KIF16B: variants seen among roughly 807,000 people sequenced by gnomAD.
The protein encoded by KIF16B is kinesin-like protein KIF16B.
A neutral mutation model predicts 156.3 loss-of-function variants in KIF16B; 98 were observed. The ratio of observed to expected loss-of-function variants is 0.63; its 90% CI spans 0.53 to 0.74. The LOEUF (loss-of-function observed/expected upper bound fraction) is 0.74. KIF16B is among the 30% of genes least tolerant of loss of function. The probability of loss-of-function intolerance (pLI) is 0.00; values close to 1 mark genes in which losing one functional copy is unlikely to be tolerated. For synonymous variants in KIF16B, 564 were observed against 583.7 expected (o/e 0.97, Z 0.49); for missense variants, 1,421 against 1,606.5 (o/e 0.88, Z 1.97).
At chr20:16,558,985 A>C (rs1185656506) in intron 1 of KIF16B, among the ~76,000 whole-genome samples, 1 of 150,760 alleles carries the variant, frequency 6.6e-6, no homozygotes, top group African/African-American at 2.4e-5. Context: ...TATCTCCCTG[A>C]TTGTGAAGAT....
intron 17 of KIF16B, among the ~76,000 whole-genome samples, chr20:16,387,318 T>A (rs1386456681): frequency 6.6e-6 from 1 of 152,196 alleles, no homozygotes; most frequent in East Asian, 1.9e-4. Context: ...TTGATGTGGT[T>A]TTCTCGGTTG....
In KIF16B at chr20:16,429,062, T is replaced by G. The variant is rs2066432026; in HGVS notation, c.1423-58A>C. On this transcript the variant is annotated intron_variant, in intron 13 of 25. Transcript: ENST00000354981. ...AAGAAGAGAAGGAATAGCTTGTTTC[T>G]TCATTTTTCATTGAAGCCCAAACAA... 4 of 1,410,420 alleles carry G rather than the reference T, an allele frequency of 2.8e-6. No homozygotes were observed. The South Asian group carries it at 4.6e-5, about 16-fold the overall frequency. The allele number at this position is 1,410,420 out of a possible 1,614,324, so 87.4% of individuals were successfully genotyped here.
chr20:16,308,705 A>C (rs986336494), intron 25 of KIF16B, among the ~76,000 whole-genome samples: 1 of 152,256 alleles, frequency 6.6e-6, no homozygotes, highest in Non-Finnish European at 1.5e-5. Context: ...ATAAACAGCA[A>C]GCAAATGTGG....
At chr20:16,307,288 G>A (rs2063554965) in intron 25 of KIF16B, among the ~76,000 whole-genome samples, 1 of 152,106 alleles carries the variant, frequency 6.6e-6, no homozygotes, top group Non-Finnish European at 1.5e-5. Flanking sequence ...AGATAATAAT[G>A]TTCTCTGAAA....
chr20:16,451,982 C>T (rs998357480), intron 12 of KIF16B, among the ~76,000 whole-genome samples: 1 of 152,062 alleles, frequency 6.6e-6, no homozygotes, highest in Non-Finnish European at 1.5e-5. Context: ...TATGTTTACT[C>T]AAATAACATG....
At chr20:16,329,550 C>T (rs1225890840) in intron 24 of KIF16B, among the ~76,000 whole-genome samples, 1 of 152,186 alleles carries the variant, frequency 6.6e-6, no homozygotes, top group Non-Finnish European at 1.5e-5. Context: ...TAGTTGCTTT[C>T]AATAACACAT....
intron 1 of KIF16B, among the ~76,000 whole-genome samples, chr20:16,566,956 C>T (rs2071276054): frequency 6.6e-6 from 1 of 152,228 alleles, no homozygotes; most frequent in Non-Finnish European, 1.5e-5. Flanking sequence ...AAAGTCCTCA[C>T]AACACCCTGT....
chr20:16,527,370 G>C (rs1297087275), intron 2 of KIF16B, among the ~76,000 whole-genome samples: 1 of 152,126 alleles, frequency 6.6e-6, no homozygotes, highest in Admixed American at 6.5e-5. Context: ...AGATCAACTC[G>C]CACTACTTTG....
chr20:16,468,135 T>G (rs1013317278), intron 12 of KIF16B, among the ~76,000 whole-genome samples: 2 of 152,144 alleles, frequency 1.3e-5, no homozygotes, highest in Non-Finnish European at 2.9e-5. Flanking sequence ...AAAGCCCAGT[T>G]TAAATGTAAA....
rs936281239 is a variant in KIF16B, at chr20:16,573,403, G to C, written c.-128C>G. ...CGCCCCCGCCCCTCTGCTCCCGGCC[G>C]GACCTGGAGTTCCGCGGCAGCCCCA... On this transcript the variant is annotated 5_prime_UTR_variant, in exon 1 of 26. Transcript: ENST00000354981. 4.7e-6 allele frequency: 5 copies of C among 1,060,954 alleles called. No individual in the cohort carries two copies. The highest frequency in any genetic ancestry group is 6.8e-6 in the Non-Finnish European group (5 of 731,708). The allele number at this position is 1,060,954 out of a possible 1,614,324, so 65.7% of individuals were successfully genotyped here. A position where few individuals can be genotyped will look rare whatever the true frequency, so the allele number is the denominator to read the frequency against.
At chr20:16,489,712 A>T (rs2068227222) in intron 12 of KIF16B, among the ~76,000 whole-genome samples, 1 of 148,562 alleles carries the variant, frequency 6.7e-6, no homozygotes, top group Non-Finnish European at 1.5e-5. Flanking sequence ...AAAAAAAAAA[A>T]TTCAGCACTC....
chr20:16,556,885 T>C (rs1309686471), intron 1 of KIF16B, among the ~76,000 whole-genome samples: 1 of 152,134 alleles, frequency 6.6e-6, no homozygotes, highest in African/African-American at 2.4e-5. Context: ...ATTTTCTTTA[T>C]AGAATGTTCC....
chr20:16,276,069 T>A (rs1040304533), intron 25 of KIF16B, among the ~76,000 whole-genome samples: 2 of 152,232 alleles, frequency 1.3e-5, no homozygotes. Flanking sequence ...AGGTAGCTCC[T>A]GTGGGCTCCG....
chr20:16,406,143 T>C (rs2065776691), intron 16 of KIF16B, among the ~76,000 whole-genome samples: 1 of 152,162 alleles, frequency 6.6e-6, no homozygotes, highest in South Asian at 2.1e-4. Flanking sequence ...GAGAAGGATC[T>C]AGGAGGAGCA....
intron 25 of KIF16B, among the ~76,000 whole-genome samples, chr20:16,277,229 C>T (rs1262228623): frequency 6.6e-6 from 1 of 152,110 alleles, no homozygotes; most frequent in African/African-American, 2.4e-5. Context: ...TGCAGTACTT[C>T]ACATCTGAAC....
intron 12 of KIF16B, among the ~76,000 whole-genome samples, chr20:16,466,922 G>A (rs1269024405): frequency 6.6e-6 from 1 of 152,174 alleles, no homozygotes; most frequent in Admixed American, 6.5e-5. Flanking sequence ...CACTACAGGA[G>A]GACACAGTCA....
intron 23 of KIF16B, among the ~76,000 whole-genome samples, chr20:16,351,712 C>A (rs748379761): frequency 4.6e-5 from 7 of 152,184 alleles, no homozygotes; most frequent in Non-Finnish European, 8.8e-5. Context: ...CAGTCCCAGA[C>A]GGATGTGCTA....
chr20:16,293,838 C>A lies in KIF16B; in HGVS notation c.3795+18497G>T, dbSNP rs138436607. ...GAGTACTGTAAACTAAGCAAACAAGCTGAGCTCACCACAGTCCTGACTCAG... is the reference window on the plus strand; with the variant it reads ...GAGTACTGTAAACTAAGCAAACAAGATGAGCTCACCACAGTCCTGACTCAG... On this transcript the variant is annotated intron_variant, in intron 25 of 25. Transcript: ENST00000354981. Among the ~76,000 whole-genome samples the A allele has an allele frequency of 8.2e-3, 1,252 of 152,178 alleles. 7 individuals carry two copies. Among genetic ancestry groups the A allele is most frequent in the Middle Eastern group, 0.017 (5 of 294 alleles).
intron 12 of KIF16B, among the ~76,000 whole-genome samples, chr20:16,446,709 T>C (rs1259711693): frequency 6.6e-6 from 1 of 152,186 alleles, no homozygotes; most frequent in African/African-American, 2.4e-5. Context: ...TAATGTTAAA[T>C]TCTAAACAGG....
Sources: gnomAD v4.1 joint callset for allele counts (sites outside exome capture counted in the v4.1 genomes callset) on GRCh38, gnomAD v4.1.1 for gene constraint, MANE v1.5 for transcripts, NCBI Gene and HGNC (gene_info 2026-07-23, HGNC 2026-07-21) for gene names.